CACNB2: variants seen among roughly 807,000 people sequenced by gnomAD.
CACNB2 encodes voltage-dependent L-type calcium channel subunit beta-2.
CACNB2 carries 42 observed loss-of-function variants against 73.3 expected under a neutral mutation model. The observed-to-expected ratio is 0.57, with a 90% CI of 0.45 to 0.74. The LOEUF is 0.74. Among genes scored for constraint, CACNB2 ranks in the 30% least tolerant of loss-of-function variants. The pLI, the probability that CACNB2 is intolerant of heterozygous loss-of-function variation, is 0.00. For synonymous variants in CACNB2, 348 were observed against 310.3 expected, an observed-to-expected ratio of 1.12 and a Z score of -1.28; for missense variants, 940 against 853.0, an observed-to-expected ratio of 1.10 and a Z score of -1.27.
intron 3 of CACNB2, among the ~76,000 whole-genome samples, chr10:18,415,932 AT>A (rs372551550): frequency 8.1e-4 from 122 of 149,784 alleles, no homozygotes; most frequent in African/African-American, 1.1e-3. Flanking sequence ...CCATGCTACA[AT>A]TTTTTTTTTA....
chr10:18,375,905 C>G (rs569173054), intron 2 of CACNB2, among the ~76,000 whole-genome samples: 300 of 152,236 alleles, frequency 2.0e-3, no homozygotes, highest in Non-Finnish European at 3.6e-3. Context: ...TAAAAACCAC[C>G]TTTACTAACC....
chr10:18,356,632 C>A (rs1467608093), intron 2 of CACNB2, among the ~76,000 whole-genome samples: 1 of 151,302 alleles, frequency 6.6e-6, no homozygotes, highest in Non-Finnish European at 1.5e-5. Flanking sequence ...GTCTCTTTTT[C>A]TCCTTCATTT....
intron 2 of CACNB2, among the ~76,000 whole-genome samples, chr10:18,348,076 T>A (rs1668770173): frequency 6.6e-6 from 1 of 152,354 alleles, no homozygotes; most frequent in South Asian, 2.1e-4. Flanking sequence ...AAAATTTTAA[T>A]GACTCACATG....
intron 2 of CACNB2, among the ~76,000 whole-genome samples, chr10:18,265,801 T>C (rs972957811): frequency 6.6e-6 from 1 of 152,196 alleles, no homozygotes; most frequent in Non-Finnish European, 1.5e-5. Flanking sequence ...TGATACGTAG[T>C]TGTTTTTGAA....
At chr10:18,236,280 G>A (rs567126158) in intron 2 of CACNB2, among the ~76,000 whole-genome samples, 1 of 152,288 alleles carries the variant, frequency 6.6e-6, no homozygotes, top group South Asian at 2.1e-4. Context: ...TTCGCCATTG[G>A]TTAAAACCAA....
At chr10:18,491,518 G>A (rs1023115932) in intron 3 of CACNB2, among the ~76,000 whole-genome samples, 1 of 152,164 alleles carries the variant, frequency 6.6e-6, no homozygotes, top group Non-Finnish European at 1.5e-5. Flanking sequence ...AGCCTAGGAG[G>A]TTGAGGCTAC....
chr10:18,245,673 G>T (rs2036832913), intron 2 of CACNB2, among the ~76,000 whole-genome samples: 1 of 152,142 alleles, frequency 6.6e-6, no homozygotes, highest in Admixed American at 6.5e-5. Context: ...ATCACAAAAT[G>T]TGTTTGGCCT....
At chr10:18,235,142 C>A (rs12355195) in intron 2 of CACNB2, among the ~76,000 whole-genome samples, 3,016 of 98,928 alleles carry the variant, frequency 0.03, 57 homozygotes, top group East Asian at 0.17. Flanking sequence ...GACTCTGTCT[C>A]AAAAAAAAAA....
At chr10:18,467,811 T>A (rs1051340220) in intron 3 of CACNB2, among the ~76,000 whole-genome samples, 12 of 152,148 alleles carry the variant, frequency 7.9e-5, no homozygotes, top group African/African-American at 2.9e-4. Context: ...AAACTTCCAT[T>A]TTTTGTTCTT....
chr10:18,458,199 G>T (rs1044838156), intron 3 of CACNB2, among the ~76,000 whole-genome samples: 4 of 152,106 alleles, frequency 2.6e-5, no homozygotes, highest in African/African-American at 9.7e-5. Flanking sequence ...ATCTATTAAG[G>T]TTTTCTGTTG....
At chr10:18,355,994 C>CA (rs2041893922) in intron 2 of CACNB2, among the ~76,000 whole-genome samples, 1 of 152,054 alleles carries the variant, frequency 6.6e-6, no homozygotes. Context: ...ATAAAATATG[C>CA]AAAAAACCCC....
At chr10:18,210,866 G>A (rs928525352) in intron 2 of CACNB2, among the ~76,000 whole-genome samples, 2 of 152,158 alleles carry the variant, frequency 1.3e-5, no homozygotes, top group African/African-American at 2.4e-5. Context: ...GTTGATAAGC[G>A]TATGGCTTTT....
At chr10:18,158,480 T>C (rs2032217606) in intron 2 of CACNB2, among the ~76,000 whole-genome samples, 1 of 152,192 alleles carries the variant, frequency 6.6e-6, no homozygotes, top group South Asian at 2.1e-4. Context: ...GCTATTGAGG[T>C]TGTCTTCAAT....
chr10:18,155,334 G>A (rs1267234823), intron 2 of CACNB2, among the ~76,000 whole-genome samples: 1 of 152,064 alleles, frequency 6.6e-6, no homozygotes, highest in African/African-American at 2.4e-5. Flanking sequence ...GAACATTATG[G>A]CTGTTATATT....
intron 2 of CACNB2, among the ~76,000 whole-genome samples, chr10:18,259,004 A>G (rs992862690): frequency 6.6e-6 from 1 of 151,972 alleles, no homozygotes; most frequent in South Asian, 2.1e-4. Flanking sequence ...TTTTCTGTCT[A>G]TAGACTATGT....
In CACNB2 at chr10:18,299,013, C is replaced by T. The variant is rs192190322; in HGVS notation, c.214-102911C>T. On this transcript the variant is annotated intron_variant, in intron 2 of 13. Coordinates refer to ENST00000324631, the MANE Select transcript of CACNB2 (RefSeq NM_201596.3). Reference sequence around the variant, plus strand: ...AGCACACCAACATGGCACATGTATACACATGTAACAAACCTGCACGTTGTG... The same window carrying T: ...AGCACACCAACATGGCACATGTATATACATGTAACAAACCTGCACGTTGTG... 4.6e-3 allele frequency among the ~76,000 whole-genome samples: 641 copies of T among 139,932 alleles called. 7 individuals carry two copies. Among genetic ancestry groups the T allele is most frequent in the African/African-American group, 0.017 (616 of 36,996 alleles). The allele number at this position is 139,932 out of a possible 152,430, so 91.8% of individuals were successfully genotyped here.
At chr10:18,377,176 A>T (rs893251718) in intron 2 of CACNB2, among the ~76,000 whole-genome samples, 1 of 152,154 alleles carries the variant, frequency 6.6e-6, no homozygotes, top group African/African-American at 2.4e-5. Context: ...ATACCAGTTT[A>T]AGTGTAAATA....
chr10:18,442,942 G>GTA (rs1564553339), intron 3 of CACNB2, among the ~76,000 whole-genome samples: 2 of 33,908 alleles, frequency 5.9e-5, no homozygotes, highest in East Asian at 1.4e-3. Flanking sequence ...ATATATATAT[G>GTA]TGTATATATA....
At chr10:18,502,238 T>C (rs2050231462) in intron 5 of CACNB2, among the ~76,000 whole-genome samples, 4 of 149,516 alleles carry the variant, frequency 2.7e-5, no homozygotes, top group Admixed American at 2.7e-4. Flanking sequence ...ATCTGGGAGG[T>C]GGAAGTTGCA....
Sources: gnomAD v4.1 joint callset for allele counts (sites outside exome capture counted in the v4.1 genomes callset) on GRCh38, gnomAD v4.1.1 for gene constraint, MANE v1.5 for transcripts, NCBI Gene and HGNC (gene_info 2026-07-23, HGNC 2026-07-21) for gene names.